RNF144B: variants seen among roughly 807,000 people sequenced by gnomAD.
RNF144B encodes the protein E3 ubiquitin-protein ligase RNF144B.
Under a neutral mutation model 40.2 loss-of-function variants are expected in RNF144B, and 25 were observed. The ratio of observed to expected loss-of-function variants is 0.62; its 90% confidence interval spans 0.45 to 0.87. RNF144B has a LOEUF of 0.87. Among genes scored for constraint, RNF144B ranks in the 40% least tolerant of loss-of-function variants. The pLI is 0.00. For missense variants in RNF144B, 365 were observed against 373.7 expected (o/e 0.98, Z 0.19); for synonymous variants, 145 against 136.3 (o/e 1.06, Z -0.44).
Position 18,399,542 on chromosome 6 carries a change from C to T in RNF144B, c.8C>T (p.Ser3Leu). MG[S>L]AGRLHYLAMT... ...AATGCTGAAGACAGGCTGATGGGCT[C>T]AGCTGGTAGGCTCCACTATCTCGCC... Residue 3 changes from serine to leucine, a missense_variant, in exon 2 of 8, where the codon TCA (serine) becomes TTA (leucine). By Grantham distance (145) the Ser-to-Leu change is moderately radical. Coordinates refer to ENST00000259939, the MANE Select transcript of RNF144B (RefSeq NM_182757.4). 1 of 1,614,058 alleles carries T rather than the reference C, an allele frequency of 6.2e-7. No homozygotes were observed. The highest frequency in any genetic ancestry group is 8.5e-7 in the Non-Finnish European group (1 of 1,179,944).
intron 4 of RNF144B, among the ~76,000 whole-genome samples, chr6:18,449,697 G>GTATATATATA (rs70974745): frequency 0.076 from 11,309 of 149,152 alleles, 510 homozygotes; most frequent in Non-Finnish European, 0.11. Context: ...GTGTTTTGAA[G>GTATATATATA]TATATATATA....
rs1217149762 is a variant in RNF144B, at chr6:18,467,239, A to C, written c.*2172A>C. 6.6e-6 allele frequency: 1 copy of C among 152,506 alleles called. No individual in the cohort carries two copies. Among genetic ancestry groups the C allele is most frequent in the Non-Finnish European group, 1.5e-5 (1 of 68,012 alleles). 9.4% of individuals were successfully genotyped at this position (152,506 alleles called of 1,614,324 possible). ...AAGCTTGGTGCTGCAAAGAGTCTTT[A>C]AATGGGGGCTGATTTCAAGTAACCT... On this transcript the variant is annotated 3_prime_UTR_variant, in exon 8 of 8. Transcript: ENST00000259939.
At chr6:18,436,441 C>T (rs961296264) in intron 3 of RNF144B, among the ~76,000 whole-genome samples, 2 of 152,036 alleles carry the variant, frequency 1.3e-5, no homozygotes, top group African/African-American at 4.8e-5. Flanking sequence ...ATATAAATGT[C>T]ATTATTTCAA....
intron 3 of RNF144B, among the ~76,000 whole-genome samples, chr6:18,429,649 G>A (rs1231959716): frequency 6.6e-6 from 1 of 152,170 alleles, no homozygotes; most frequent in Non-Finnish European, 1.5e-5. Flanking sequence ...GAGCTATAGT[G>A]GAGAGAAATT....
intron 2 of RNF144B, among the ~76,000 whole-genome samples, chr6:18,408,490 C>G (rs1254853981): frequency 6.6e-6 from 1 of 152,158 alleles, no homozygotes; most frequent in African/African-American, 2.4e-5. Context: ...TTAGCATGAT[C>G]TTATTCTATT....
Position 18,464,855 on chromosome 6 carries a change from C to A in RNF144B, c.772-72C>A. The A allele has an allele frequency of 6.9e-7, 1 of 1,449,156 alleles. No homozygotes were observed. The highest frequency in any genetic ancestry group is 9.6e-7 in the Non-Finnish European group (1 of 1,040,050). The allele number at this position is 1,449,156 out of a possible 1,614,324, so 89.8% of individuals were successfully genotyped here. A position where few individuals can be genotyped will look rare whatever the true frequency, so the allele number is the denominator to read the frequency against. On this transcript the variant is annotated intron_variant, in intron 7 of 7. Transcript: ENST00000259939. The surrounding 1 kb of genome is among the most constrained non-coding windows in gnomAD (Gnocchi z 6.1). Reference sequence around the variant, plus strand: ...CAAACATTTGGCCCACAGCAGATAACAGTATAGTTGGAATAAGTATACATA... The same window carrying A: ...CAAACATTTGGCCCACAGCAGATAAAAGTATAGTTGGAATAAGTATACATA...
At chr6:18,399,078 G>T (rs1794745912) in intron 1 of RNF144B, among the ~76,000 whole-genome samples, 1 of 152,122 alleles carries the variant, frequency 6.6e-6, no homozygotes, top group East Asian at 1.9e-4. Context: ...TTTTCTTTGT[G>T]TGTGTGTGGT....
chr6:18,445,000 T>A lies in RNF144B; in HGVS notation c.331+5256T>A, dbSNP rs556332974. Among the ~76,000 whole-genome samples, 1 of 151,804 alleles carries A rather than the reference T, an allele frequency of 6.6e-6. No homozygotes were observed. Among genetic ancestry groups the A allele is most frequent in the South Asian group, 2.1e-4 (1 of 4,820 alleles). On this transcript the variant is annotated intron_variant, in intron 4 of 7. Transcript: ENST00000259939. This position sits in a 1 kb window ranked among gnomAD's most constrained non-coding sequence, Gnocchi z 4.3. The stretch of plus-strand genomic sequence containing the variant: ...GGTTTTATTCCATCAGAGCTCCCTA[T>A]GTAGTTATGTAGTTTCTTTTAGTGT...
chr6:18,392,212 A>G (rs919533240), intron 1 of RNF144B, among the ~76,000 whole-genome samples: 2 of 152,158 alleles, frequency 1.3e-5, no homozygotes, highest in African/African-American at 2.4e-5. Flanking sequence ...CGTCTCAAAA[A>G]AAAAACGATG....
chr6:18,413,865 T>A (rs1260530343), intron 2 of RNF144B, among the ~76,000 whole-genome samples: 1 of 152,210 alleles, frequency 6.6e-6, no homozygotes, highest in African/African-American at 2.4e-5. Flanking sequence ...AAGATTGTTT[T>A]AATATGGAAT....
intron 1 of RNF144B, among the ~76,000 whole-genome samples, chr6:18,389,021 C>T (rs1429826504): frequency 3.3e-5 from 5 of 152,030 alleles, no homozygotes; most frequent in African/African-American, 1.2e-4. Flanking sequence ...CCCCAAAACC[C>T]CAAACAATCA....
In RNF144B at chr6:18,447,744, T is replaced by C. The variant is rs1287063357; in HGVS notation, c.331+8000T>C. ...GAGTCAGGATCAGTAGTATAAACTT[T>C]GGAATCGTCAGCATAGAGGTCAGGT... On this transcript the variant is annotated intron_variant, in intron 4 of 7. Transcript: ENST00000259939. This position sits in a 1 kb window ranked among gnomAD's most constrained non-coding sequence, Gnocchi z 5.6. Among the ~76,000 whole-genome samples the C allele has an allele frequency of 6.6e-6, 1 of 152,172 alleles. No homozygotes were observed. The highest frequency in any genetic ancestry group is 1.5e-5 in the Non-Finnish European group (1 of 68,020).
chr6:18,403,889 G>T (rs539797293), intron 2 of RNF144B, among the ~76,000 whole-genome samples: 15 of 152,206 alleles, frequency 9.9e-5, no homozygotes, highest in Admixed American at 4.6e-4. Context: ...AACCCAAGGG[G>T]CATCCTGGCT....
rs1759435197 is a variant in RNF144B, at chr6:18,460,820, T to G, written c.681+1069T>G. 6.6e-6 allele frequency among the ~76,000 whole-genome samples: 1 copy of G among 152,122 alleles called. No individual in the cohort carries two copies. The highest frequency in any genetic ancestry group is 2.4e-5 in the African/African-American group (1 of 41,416). ...AGAGTTAAAAATGCGATGCAAAGAG[T>G]TGGTGAGAAGGTCTTACTTCACTTC... On this transcript the variant is annotated intron_variant, in intron 6 of 7. Transcript: ENST00000259939. The surrounding 1 kb of genome is among the most constrained non-coding windows in gnomAD (Gnocchi z 4.4).
rs1286687378 is a variant in RNF144B at position 18,434,553 on chromosome 6, G to T, written c.271-5131G>T. On this transcript the variant is annotated intron_variant, in intron 3 of 7. Coordinates refer to ENST00000259939, the MANE Select transcript of RNF144B (RefSeq NM_182757.4). This position sits in a 1 kb window ranked among gnomAD's most constrained non-coding sequence, Gnocchi z 4.1. ...GTGTAGGTGTGGTCTGGCTTCCCTGGATATGCTCTGCTAGGGATGAAATGG... is the reference window on the plus strand; with the variant it reads ...GTGTAGGTGTGGTCTGGCTTCCCTGTATATGCTCTGCTAGGGATGAAATGG... 6.6e-6 allele frequency among the ~76,000 whole-genome samples: 1 copy of T among 152,146 alleles called. No homozygotes were observed. The highest frequency in any genetic ancestry group is 1.5e-5 in the Non-Finnish European group (1 of 68,018).
chr6:18,391,086 G>GA (rs928199187), intron 1 of RNF144B, among the ~76,000 whole-genome samples: 3 of 151,930 alleles, frequency 2.0e-5, no homozygotes, highest in Non-Finnish European at 4.4e-5. Flanking sequence ...TTATTCATTT[G>GA]AAAAAAAATT....
In RNF144B at chr6:18,457,622, G is replaced by A. The variant is rs914178277; in HGVS notation, c.536+263G>A. Among the ~76,000 whole-genome samples, 2 of 152,076 alleles carry A rather than the reference G, an allele frequency of 1.3e-5. No homozygotes were observed. The highest frequency in any genetic ancestry group is 6.6e-5 in the Admixed American group (1 of 15,264). ...TTCTCTTTAGGTAGTGAGGCACCGT[G>A]GTCTACTGGTTCTCAGTAGGAAATC... On this transcript the variant is annotated intron_variant, in intron 5 of 7. Transcript: ENST00000259939. The surrounding 1 kb of genome is among the most constrained non-coding windows in gnomAD (Gnocchi z 5.1).
At position 18,450,734 on chromosome 6, in the gene RNF144B, A is replaced by G. The variant is rs1759192695; in HGVS notation, c.332-6421A>G. On this transcript the variant is annotated intron_variant, in intron 4 of 7. Transcript: ENST00000259939. This position sits in a 1 kb window ranked among gnomAD's most constrained non-coding sequence, Gnocchi z 4.7. ...GGCAAGATCCCACTTCGGGATGTGA[A>G]TGCCCTTGTTCAGTGTTTTCTTTAA... Among the ~76,000 whole-genome samples the G allele has an allele frequency of 6.6e-6, 1 of 152,236 alleles. No homozygotes were observed. The highest frequency in any genetic ancestry group is 2.4e-5 in the African/African-American group (1 of 41,460).
Position 18,409,143 on chromosome 6 carries a change from C to T in RNF144B, c.165+9444C>T, listed in dbSNP as rs560717461. ...TGGTGTCTCATGCACTTTGGGAGGC[C>T]GAGGCGGGTGGATCACTTGGGGCCA... is the stretch of plus-strand genomic sequence containing the variant. On this transcript the variant is annotated intron_variant, in intron 2 of 7. Transcript: ENST00000259939. 1.2e-4 allele frequency among the ~76,000 whole-genome samples: 18 copies of T among 151,694 alleles called. 1 individual carries two copies. The highest frequency in any genetic ancestry group is 1.2e-3 in the East Asian group (6 of 5,148).
Sources: allele counts gnomAD v4.1 joint callset (sites outside exome capture counted in the v4.1 genomes callset), GRCh38; gene constraint gnomAD v4.1.1; non-coding constraint Gnocchi (gnomAD v3.1); transcripts MANE v1.5; gene names NCBI Gene and HGNC (gene_info 2026-07-23, HGNC 2026-07-21).